EMP1: variants seen among roughly 807,000 people sequenced by gnomAD.
EMP1 encodes epithelial membrane protein 1, also known as tumor-associated membrane protein.
EMP1 carries 5 observed loss-of-function variants against 15.7 expected under a neutral mutation model. That is an observed-to-expected ratio of 0.32 (90% CI 0.17 to 0.67). The LOEUF (loss-of-function observed/expected upper bound fraction) is 0.67, where lower values mean the gene tolerates loss of function less well. Ranked by LOEUF, EMP1 falls within the 30% of genes least tolerant of loss-of-function variation. The pLI, the probability that EMP1 is intolerant of heterozygous loss-of-function variation, is 0.74. For synonymous variants in EMP1, 78 were observed against 76.7 expected, an observed-to-expected ratio of 1.02 and a Z score of -0.09; for missense variants, 166 against 194.2, an observed-to-expected ratio of 0.85 and a Z score of 0.86.
chr12:13,212,091 A>G (rs1864169048), intron 2 of EMP1, among the ~76,000 whole-genome samples: 1 of 152,262 alleles, frequency 6.6e-6, no homozygotes. Context: ...TTAGAAGGAT[A>G]GATGGGAAGA....
rs1006932640 is a variant in EMP1, at chr12:13,217,540, G to A, written c.*2849G>A. 17 of 152,076 alleles carry A rather than the reference G, an allele frequency of 1.1e-4. No homozygotes were observed. The highest frequency in any genetic ancestry group is 3.4e-4 in the African/African-American group (14 of 41,398). 9.4% of individuals were successfully genotyped at this position (152,076 alleles called of 1,614,324 possible). On this transcript the variant is annotated 3_prime_UTR_variant, in exon 5 of 5. Transcript: ENST00000256951. The stretch of plus-strand genomic sequence containing the variant: ...GATTGCTCTGATAAACTATCATAAG[G>A]GGTCCACCTCCCCTCATTTAGCTCC...
chr12:13,217,827 TA>T lies in EMP1; in HGVS notation c.*3141del, dbSNP rs1381897858. The T allele has an allele frequency of 6.6e-6, 1 of 152,016 alleles. No individual in the cohort carries two copies. Among genetic ancestry groups the T allele is most frequent in the African/African-American group, 2.4e-5 (1 of 41,398 alleles). 9.4% of individuals were successfully genotyped at this position (152,016 alleles called of 1,614,324 possible). The stretch of plus-strand genomic sequence containing the variant: ...GTGTGCAAACATATATATAAATAAA[TA>T]AAAATATATTTATTTTAAGGAATTG... On this transcript the variant is annotated 3_prime_UTR_variant, in exon 5 of 5. Transcript: ENST00000256951.
At chr12:13,208,269 G>A (rs1724186994) in intron 1 of EMP1, among the ~76,000 whole-genome samples, 1 of 152,190 alleles carries the variant, frequency 6.6e-6, no homozygotes, top group Admixed American at 6.5e-5. Flanking sequence ...TGGGTGGGTG[G>A]AAGTTTCAGG....
chr12:13,205,494 TA>T (rs142434766), intron 1 of EMP1, among the ~76,000 whole-genome samples: 1,788 of 149,096 alleles, frequency 0.012, 19 homozygotes, highest in Middle Eastern at 0.031. Context: ...CTATGTATGT[TA>T]AAAAAAAAAG....
intron 1 of EMP1, among the ~76,000 whole-genome samples, chr12:13,197,903 A>C (rs1447832150): frequency 1.3e-5 from 2 of 152,192 alleles, no homozygotes; most frequent in African/African-American, 4.8e-5. Flanking sequence ...GGAGCTGATG[A>C]GGATTCCAGA....
chr12:13,216,500 C>CA lies in EMP1; in HGVS notation c.*1815dup. On this transcript the variant is annotated 3_prime_UTR_variant, in exon 5 of 5. Transcript: ENST00000256951. Reference sequence around the variant, plus strand: ...ATGATTATAGAAGGCTGTCTTAGTGCAAAAAACATACTTACATTTCAGACA... The same window carrying CA: ...ATGATTATAGAAGGCTGTCTTAGTGCAAAAAAACATACTTACATTTCAGACA... 2.9e-6 allele frequency: 2 copies of CA among 696,892 alleles called. No individual in the cohort carries two copies. Among genetic ancestry groups the CA allele is most frequent in the East Asian group, 2.7e-5 (1 of 37,186 alleles). The allele number at this position is 696,892 out of a possible 1,614,324, so 43.2% of individuals were successfully genotyped here.
chr12:13,212,832 T>TGGC (rs893874151), intron 2 of EMP1, among the ~76,000 whole-genome samples: 1 of 152,232 alleles, frequency 6.6e-6, no homozygotes, highest in African/African-American at 2.4e-5. Context: ...CAGGAAGGGA[T>TGGC]GGCGGCACCA....
intron 1 of EMP1, among the ~76,000 whole-genome samples, chr12:13,202,603 G>A (rs912854852): frequency 1.3e-5 from 2 of 152,128 alleles, no homozygotes; most frequent in African/African-American, 4.8e-5. Flanking sequence ...GGTGGGGTGG[G>A]GACTCCTGTG....
chr12:13,204,668 T>G (rs1434987079), intron 1 of EMP1, among the ~76,000 whole-genome samples: 2 of 151,930 alleles, frequency 1.3e-5, no homozygotes, highest in African/African-American at 4.8e-5. Flanking sequence ...CTCATGGGGG[T>G]CAGTTGACCA....
chr12:13,212,404 A>G (rs1000016134), intron 2 of EMP1, among the ~76,000 whole-genome samples: 5 of 152,224 alleles, frequency 3.3e-5, no homozygotes, highest in African/African-American at 4.8e-5. Flanking sequence ...TTAGGTCCCT[A>G]TCACAGTTAA....
intron 1 of EMP1, among the ~76,000 whole-genome samples, chr12:13,197,343 T>C (rs1396986161): frequency 6.6e-6 from 1 of 152,172 alleles, no homozygotes; most frequent in Non-Finnish European, 1.5e-5. Flanking sequence ...ATTTTTTGGG[T>C]GGTGGTGGAT....
rs2121162088 is a variant in EMP1, at chr12:13,213,539, A to G, written c.139A>G (p.Ile47Val). The G allele has an allele frequency of 6.2e-7, 1 of 1,614,248 alleles. No individual in the cohort carries two copies. Among genetic ancestry groups the G allele is most frequent in the Non-Finnish European group, 8.5e-7 (1 of 1,180,046 alleles). The change falls in exon 3 of 5, where the codon ATT becomes GTT. Residue 47 changes from isoleucine (I) to valine (V), a missense_variant. By Grantham distance (29) the Ile-to-Val change is conservative. Transcript: ENST00000256951. ...SVGLWKNCTN[I>V]SCSDSLSYAS... ...AGGTCTTTGGAAAAACTGTACCAAC[A>G]TTAGCTGCAGTGACAGCCTGTCATA...
chr12:13,205,492 G>C (rs567959383), intron 1 of EMP1, among the ~76,000 whole-genome samples: 333 of 150,794 alleles, frequency 2.2e-3, no homozygotes, highest in Non-Finnish European at 3.6e-3. Flanking sequence ...GTCTATGTAT[G>C]TTAAAAAAAA....
At chr12:13,206,032 T>C (rs560125672) in intron 1 of EMP1, among the ~76,000 whole-genome samples, 78 of 152,074 alleles carry the variant, frequency 5.1e-4, no homozygotes, top group African/African-American at 1.7e-3. Context: ...AGAGGGGAGT[T>C]GTTCAGAGAC....
chr12:13,211,320 G>C lies in EMP1; in HGVS notation c.-42-149G>C, dbSNP rs1864162611. 4 of 639,914 alleles carry C rather than the reference G, an allele frequency of 6.3e-6. No homozygotes were observed. The highest frequency in any genetic ancestry group is 1.1e-5 in the Non-Finnish European group (4 of 363,820). The allele number at this position is 639,914 out of a possible 1,614,324, so 39.6% of individuals were successfully genotyped here. ...TTAGGCAAATCAGAACTAGGTTACAGGGGTGTTTTCAGGAATTTATGATTA... is the reference window on the plus strand; with the variant it reads ...TTAGGCAAATCAGAACTAGGTTACACGGGTGTTTTCAGGAATTTATGATTA... On this transcript the variant is annotated intron_variant, in intron 1 of 4. Coordinates refer to ENST00000256951, the MANE Select transcript of EMP1 (RefSeq NM_001423.3). This position sits in a 1 kb window ranked among gnomAD's most constrained non-coding sequence, Gnocchi z 4.7.
chr12:13,214,853 T>C lies in EMP1; in HGVS notation c.*162T>C. 1.7e-6 allele frequency: 1 copy of C among 605,340 alleles called. No individual in the cohort carries two copies. 37.5% of individuals were successfully genotyped at this position (605,340 alleles called of 1,614,324 possible). On this transcript the variant is annotated 3_prime_UTR_variant, in exon 5 of 5. Transcript: ENST00000256951. ...CCAAACCATTACTGAGGGGATTCTC[T>C]ACTGCCAAGCCCCTGCCCTGGGGAG...
chr12:13,212,960 T>C (rs946053387), intron 2 of EMP1, among the ~76,000 whole-genome samples: 3 of 152,262 alleles, frequency 2.0e-5, no homozygotes, highest in African/African-American at 7.2e-5. Flanking sequence ...CAGTCAAGTT[T>C]GATCCTTCTG....
chr12:13,213,634 C>G (rs906592749), intron 3 of EMP1, 47 bp from the exon 4 acceptor site: 1 of 1,613,876 alleles, frequency 6.2e-7, no homozygotes, highest in Non-Finnish European at 8.5e-7. Flanking sequence ...AATGTTCAGC[C>G]CCTGGAGTGA....
At position 13,208,841 on chromosome 12, in the gene EMP1, G is replaced by A. The variant is rs374406142; in HGVS notation, c.-42-2628G>A. On this transcript the variant is annotated intron_variant, in intron 1 of 4. Coordinates refer to ENST00000256951, the MANE Select transcript of EMP1 (RefSeq NM_001423.3). The stretch of plus-strand genomic sequence containing the variant: ...CAATGGGCAGGGCATATGGTCAGGT[G>A]GATCCAGGGGCCAGGCACTCGCACA... 4.6e-5 allele frequency among the ~76,000 whole-genome samples: 7 copies of A among 152,326 alleles called. No homozygotes were observed. The East Asian group carries it at 1.4e-3, about 29-fold the overall frequency.
Sources: allele counts gnomAD v4.1 joint callset (sites outside exome capture counted in the v4.1 genomes callset), GRCh38; gene constraint gnomAD v4.1.1; non-coding constraint Gnocchi (gnomAD v3.1); transcripts MANE v1.5; gene names NCBI Gene and HGNC (gene_info 2026-07-23, HGNC 2026-07-21).